Variants in TMEFF2 observed in about 807,000 individuals in gnomAD.
The protein encoded by TMEFF2 is tomoregulin-2.
A neutral mutation model predicts 53.8 loss-of-function variants in TMEFF2; 28 were observed. The observed-to-expected ratio is 0.52, with a 90% CI of 0.39 to 0.71. TMEFF2 has a LOEUF of 0.71. Among genes scored for constraint, TMEFF2 ranks in the 30% least tolerant of loss-of-function variants. TMEFF2 has a pLI of 0.00. For synonymous variants in TMEFF2, 162 were observed against 166.3 expected, an observed-to-expected ratio of 0.97 and a Z score of 0.20; for missense variants, 353 against 455.2, an observed-to-expected ratio of 0.78 and a Z score of 2.04.
intron 3 of TMEFF2, among the ~76,000 whole-genome samples, chr2:192,182,023 C>T (rs1691198054): frequency 6.6e-6 from 1 of 151,646 alleles, no homozygotes; most frequent in Non-Finnish European, 1.5e-5. Flanking sequence ...GCTGTTAGAC[C>T]TAAATCTGAG....
At chr2:192,187,622 A>G (rs1691346505) in intron 2 of TMEFF2, among the ~76,000 whole-genome samples, 1 of 152,232 alleles carries the variant, frequency 6.6e-6, no homozygotes, top group Non-Finnish European at 1.5e-5. Flanking sequence ...GAGGAAAAAC[A>G]AGACTCAAGT....
At chr2:192,110,389 A>G (rs1689245834) in intron 4 of TMEFF2, among the ~76,000 whole-genome samples, 1 of 152,158 alleles carries the variant, frequency 6.6e-6, no homozygotes, top group Non-Finnish European at 1.5e-5. Flanking sequence ...ATTATAAACA[A>G]GAGAAGATAA....
rs535552422 is a variant in TMEFF2, at chr2:191,999,130, T to A, written c.615A>T (p.Ala205=). 6.2e-7 allele frequency: 1 copy of A among 1,612,678 alleles called. No individual in the cohort carries two copies. The highest frequency in any genetic ancestry group is 1.3e-5 in the African/African-American group (1 of 75,002). Residue 205 remains alanine (A), a synonymous_variant, in exon 6 of 10, where the codon GCA becomes GCT. Coordinates refer to ENST00000272771, the MANE Select transcript of TMEFF2 (RefSeq NM_016192.4). ...CASDGKSYDN[A]CQIKEASCQK... Reference sequence around the variant, plus strand: ...GACACGATGCTTCTTTGATTTGGCATGCATTATCATAAGATTTCCCATCAG... The same window carrying A: ...GACACGATGCTTCTTTGATTTGGCAAGCATTATCATAAGATTTCCCATCAG...
chr2:192,125,886 A>G (rs1574395428), intron 4 of TMEFF2, among the ~76,000 whole-genome samples: 1 of 152,308 alleles, frequency 6.6e-6, no homozygotes, highest in East Asian at 1.9e-4. Context: ...GAATGGCGGG[A>G]GGGCAAGCAT....
At chr2:192,035,850 T>C (rs1282485198) in intron 5 of TMEFF2, among the ~76,000 whole-genome samples, 2 of 152,206 alleles carry the variant, frequency 1.3e-5, no homozygotes, top group African/African-American at 2.4e-5. Context: ...CTACTCCAAA[T>C]TGACTTTACC....
At chr2:192,056,836 CT>C (rs1428369605) in intron 5 of TMEFF2, among the ~76,000 whole-genome samples, 1 of 152,100 alleles carries the variant, frequency 6.6e-6, no homozygotes, top group African/African-American at 2.4e-5. Flanking sequence ...CTCCCTTGCC[CT>C]TTTTGCCATG....
rs1686273268 is a variant in TMEFF2, at chr2:191,998,307, T to C, written c.700A>G (p.Thr234Ala). Residue 234 changes from threonine (T) to alanine (A), a missense_variant, in exon 7 of 10, where the codon ACT becomes GCT. By Grantham distance (58) the Thr-to-Ala change is moderately conservative. Transcript: ENST00000272771. ...TAATGCCCATCTTCAGACTTAGTAG[T>C]TGTAGTTGTGTTATCTGTGTTAAAA... ...LGRCQDNTTT[T>A]TKSEDGHYAR... The C allele has an allele frequency of 1.9e-6, 3 of 1,598,996 alleles. No homozygotes were observed. Among genetic ancestry groups the C allele is most frequent in the Middle Eastern group, 3.3e-4 (2 of 5,972 alleles).
intron 4 of TMEFF2, among the ~76,000 whole-genome samples, chr2:192,124,955 C>A (rs769107478): frequency 2.3e-4 from 35 of 152,102 alleles, no homozygotes; most frequent in South Asian, 2.1e-4. Context: ...CTATTGTATA[C>A]CCAGAATTAA....
Position 192,049,991 on chromosome 2 carries a change from A to C in TMEFF2, c.536+7688T>G, listed in dbSNP as rs554046610. On this transcript the variant is annotated intron_variant, in intron 5 of 9. Transcript: ENST00000272771. ...ACTCCAGCCTGGGCCACAGGGTGAG[A>C]CTCCATCTCAAACAAACAAACAAAA... Among the ~76,000 whole-genome samples the C allele has an allele frequency of 3.9e-5, 6 of 152,266 alleles. No individual in the cohort carries two copies. In the East Asian group the frequency reaches 1.2e-3, roughly 29 times the overall value.
chr2:192,068,055 A>C (rs1688205853), intron 4 of TMEFF2, among the ~76,000 whole-genome samples: 1 of 151,868 alleles, frequency 6.6e-6, no homozygotes, highest in Non-Finnish European at 1.5e-5. Context: ...AAATTCTCCT[A>C]ATGCGAAAAA....
At chr2:192,111,373 C>G (rs1369740317) in intron 4 of TMEFF2, among the ~76,000 whole-genome samples, 1 of 152,092 alleles carries the variant, frequency 6.6e-6, no homozygotes, top group Non-Finnish European at 1.5e-5. Flanking sequence ...GTAAAGGTAA[C>G]TATTACTATG....
At chr2:192,184,120 A>G (rs760801743) in intron 3 of TMEFF2, among the ~76,000 whole-genome samples, 5 of 152,110 alleles carry the variant, frequency 3.3e-5, no homozygotes, top group Non-Finnish European at 5.9e-5. Context: ...ATTTAATGAC[A>G]TACGTACTTA....
intron 3 of TMEFF2, among the ~76,000 whole-genome samples, chr2:192,180,213 G>A (rs1691152275): frequency 6.6e-6 from 1 of 151,528 alleles, no homozygotes; most frequent in East Asian, 2.0e-4. Flanking sequence ...TTCCATCTGT[G>A]TCAAATCATC....
At chr2:191,973,925 C>T (rs1389066394) in intron 7 of TMEFF2, among the ~76,000 whole-genome samples, 1 of 152,162 alleles carries the variant, frequency 6.6e-6, no homozygotes, top group African/African-American at 2.4e-5. Flanking sequence ...TTCCCTTCCA[C>T]CATGATTGTA....
chr2:192,023,324 A>AT (rs746874176), intron 5 of TMEFF2, among the ~76,000 whole-genome samples: 25 of 151,944 alleles, frequency 1.6e-4, no homozygotes, highest in Non-Finnish European at 2.9e-4. Context: ...TGCCTGTAGC[A>AT]TTTTTTTCTT....
intron 4 of TMEFF2, among the ~76,000 whole-genome samples, chr2:192,108,841 GA>G (rs1428198510): frequency 6.6e-6 from 1 of 151,948 alleles, no homozygotes; most frequent in East Asian, 1.9e-4. Context: ...GTAATATATA[GA>G]TACTGATGGA....
At chr2:192,121,376 T>A (rs1289442888) in intron 4 of TMEFF2, among the ~76,000 whole-genome samples, 1 of 151,862 alleles carries the variant, frequency 6.6e-6, no homozygotes, top group Non-Finnish European at 1.5e-5. Flanking sequence ...ACTTTGTACA[T>A]AAAGAGCTAG....
intron 4 of TMEFF2, among the ~76,000 whole-genome samples, chr2:192,091,096 T>C (rs1432960653): frequency 6.6e-6 from 1 of 152,158 alleles, no homozygotes; most frequent in Non-Finnish European, 1.5e-5. Context: ...TTGTCAACTC[T>C]CAGCTCCCCA....
chr2:192,110,077 C>A (rs1041592865), intron 4 of TMEFF2, among the ~76,000 whole-genome samples: 4 of 151,918 alleles, frequency 2.6e-5, no homozygotes, highest in Admixed American at 1.3e-4. Context: ...TATTTAATGT[C>A]TGGATGATGA....
Sources: allele counts gnomAD v4.1 joint callset (sites outside exome capture counted in the v4.1 genomes callset), GRCh38; gene constraint gnomAD v4.1.1; transcripts MANE v1.5; gene names NCBI Gene and HGNC (gene_info 2026-07-23, HGNC 2026-07-21).